Variants in CAPZA1 observed in about 807,000 individuals in gnomAD.
CAPZA1 encodes F-actin-capping protein subunit alpha-1.
Under a neutral mutation model 40.8 loss-of-function variants are expected in CAPZA1, and 10 were observed. The ratio of observed to expected loss-of-function variants is 0.25; its 90% CI spans 0.15 to 0.42. CAPZA1 has a LOEUF of 0.42. CAPZA1 is among the 10% of genes least tolerant of loss of function. CAPZA1 has a pLI of 1.00. For synonymous variants in CAPZA1, 98 were observed against 115.0 expected, an observed-to-expected ratio of 0.85 and a Z score of 0.95; for missense variants, 277 against 353.8, an observed-to-expected ratio of 0.78 and a Z score of 1.74.
intron 1 of CAPZA1, among the ~76,000 whole-genome samples, chr1:112,625,348 T>C (rs1355989610): frequency 6.6e-6 from 1 of 152,192 alleles, no homozygotes; most frequent in African/African-American, 2.4e-5. Flanking sequence ...AAGTATTTCC[T>C]TCACCAGCTA....
chr1:112,633,268 C>T (rs1210029149), intron 1 of CAPZA1, among the ~76,000 whole-genome samples: 1 of 151,842 alleles, frequency 6.6e-6, no homozygotes, highest in East Asian at 1.9e-4. Context: ...CTCTGGTAAC[C>T]ACCATTCTAT....
intron 8 of CAPZA1, among the ~76,000 whole-genome samples, chr1:112,668,320 G>A (rs550394700): frequency 3.6e-4 from 55 of 152,086 alleles, no homozygotes; most frequent in African/African-American, 1.2e-3. Context: ...AAAACTATTC[G>A]TTAATTAAAA....
At chr1:112,667,923 T>G (rs1056441210) in intron 8 of CAPZA1, among the ~76,000 whole-genome samples, 2 of 152,156 alleles carry the variant, frequency 1.3e-5, no homozygotes, top group African/African-American at 4.8e-5. Flanking sequence ...TTAGAAGTTA[T>G]TGAGTACCCC....
At chr1:112,638,095 G>A (rs1210774490) in intron 1 of CAPZA1, among the ~76,000 whole-genome samples, 4 of 152,152 alleles carry the variant, frequency 2.6e-5, no homozygotes, top group African/African-American at 9.7e-5. Context: ...GGTTGGAAGG[G>A]TACAACAGCT....
intron 1 of CAPZA1, among the ~76,000 whole-genome samples, chr1:112,624,907 T>C (rs1273427663): frequency 3.9e-5 from 6 of 152,216 alleles, no homozygotes; most frequent in Non-Finnish European, 8.8e-5. Context: ...TCTGCTTTCC[T>C]ACATTTGCCC....
In CAPZA1 at chr1:112,619,888, G is replaced by A; in HGVS notation, c.39+5G>A. ...CGTGTGTCGGATGAGGAGAAGGTAA[G>A]GGGTCCGCCTCTCTCTCTTACCTCC... is the stretch of plus-strand genomic sequence containing the variant. On this transcript the variant is annotated splice_donor_5th_base_variant and intron_variant, in intron 1 of 9. Coordinates refer to ENST00000263168, the MANE Select transcript of CAPZA1 (RefSeq NM_006135.3). 6.2e-7 allele frequency: 1 copy of A among 1,609,548 alleles called. No homozygotes were observed. The highest frequency in any genetic ancestry group is 8.5e-7 in the Non-Finnish European group (1 of 1,177,856).
chr1:112,650,982 A>C (rs1001439141), intron 3 of CAPZA1, among the ~76,000 whole-genome samples: 20 of 152,230 alleles, frequency 1.3e-4, no homozygotes, highest in Non-Finnish European at 2.8e-4. Flanking sequence ...TCCTGGACCC[A>C]AATATTTGAT....
At chr1:112,668,462 G>A (rs974004964) in intron 8 of CAPZA1, among the ~76,000 whole-genome samples, 8 of 152,102 alleles carry the variant, frequency 5.3e-5, no homozygotes, top group Non-Finnish European at 1.2e-4. Flanking sequence ...AAAAGATGGC[G>A]GACTTTATTG....
chr1:112,659,405 T>C (rs1452086523), intron 6 of CAPZA1: 1 of 523,250 alleles, frequency 1.9e-6, no homozygotes, highest in East Asian at 3.1e-5. Context: ...ATTCATCTGA[T>C]TTTGGAAGAG....
chr1:112,619,942 C>G (rs1420887017), intron 1 of CAPZA1, 59 bp downstream of exon 1: 5 of 1,436,748 alleles, frequency 3.5e-6, no homozygotes, highest in Non-Finnish European at 4.8e-6. Flanking sequence ...GGGCCCGGCC[C>G]GGCTGCGTTG....
At chr1:112,647,336 C>A in intron 2 of CAPZA1, 63 bp downstream of exon 2, 2 of 846,754 alleles carry the variant, frequency 2.4e-6, no homozygotes, top group South Asian at 2.5e-5. Context: ...TACTTGCTGT[C>A]TGTTTTAATT....
At chr1:112,624,560 A>G (rs1188750578) in intron 1 of CAPZA1, among the ~76,000 whole-genome samples, 5 of 139,456 alleles carry the variant, frequency 3.6e-5, no homozygotes, top group African/African-American at 1.3e-4. Context: ...GTGAGCCGAG[A>G]TCGCGCCATT....
At chr1:112,661,812 C>T (rs116300843) in intron 7 of CAPZA1, among the ~76,000 whole-genome samples, 369 of 152,332 alleles carry the variant, frequency 2.4e-3, no homozygotes, top group African/African-American at 8.2e-3. Flanking sequence ...ATTCAAAATA[C>T]AGCCCAGTGT....
intron 1 of CAPZA1, among the ~76,000 whole-genome samples, chr1:112,627,254 C>T (rs1670826399): frequency 6.6e-6 from 1 of 152,276 alleles, no homozygotes; most frequent in Middle Eastern, 3.4e-3. Context: ...GAAATAATGA[C>T]ATAGTCCTAA....
chr1:112,664,230 C>CAAAAAAAAAAAAAAAA (rs570249032), intron 7 of CAPZA1, among the ~76,000 whole-genome samples: 1 of 110,484 alleles, frequency 9.1e-6, no homozygotes, highest in Non-Finnish European at 1.9e-5. Context: ...GACACTGTCT[C>CAAAAAAAAAAAAAAAA]AAAAAAAAAA....
intron 1 of CAPZA1, among the ~76,000 whole-genome samples, chr1:112,623,613 G>A (rs11102517): frequency 0.71 from 107,467 of 150,754 alleles, 38,814 homozygotes; most frequent in South Asian, 0.86. Flanking sequence ...CCTGGGAGGC[G>A]GAGGTTGCGG....
At chr1:112,650,889 C>G (rs549527095) in intron 3 of CAPZA1, among the ~76,000 whole-genome samples, 2 of 152,186 alleles carry the variant, frequency 1.3e-5, no homozygotes, top group Non-Finnish European at 2.9e-5. Flanking sequence ...TTTAATTGCA[C>G]TGACACTAAA....
intron 1 of CAPZA1, among the ~76,000 whole-genome samples, chr1:112,624,256 T>A (rs1406537620): frequency 6.6e-6 from 1 of 152,118 alleles, no homozygotes; most frequent in Admixed American, 6.6e-5. Flanking sequence ...ATACTTTTCT[T>A]TTCCATATAG....
intron 7 of CAPZA1, among the ~76,000 whole-genome samples, chr1:112,661,606 T>C (rs1438665580): frequency 6.6e-6 from 1 of 152,262 alleles, no homozygotes. Context: ...CCTAGCGCTC[T>C]AGATCTCTTG....
Sources: allele counts gnomAD v4.1 joint callset (sites outside exome capture counted in the v4.1 genomes callset), GRCh38; gene constraint gnomAD v4.1.1; transcripts MANE v1.5; gene names NCBI Gene and HGNC (gene_info 2026-07-23, HGNC 2026-07-21).